Variants in USHBP1 observed in about 807,000 individuals in gnomAD.
The protein encoded by USHBP1 is USH1 protein network component harmonin binding protein 1.
Under a neutral mutation model 76.2 loss-of-function variants are expected in USHBP1, and 67 were observed. That is an observed-to-expected ratio of 0.88 (90% confidence interval 0.72 to 1.08). USHBP1 has a LOEUF of 1.08. Among genes scored for constraint, USHBP1 ranks in the 50% least tolerant of loss-of-function variants. The pLI is 0.00. For synonymous variants in USHBP1, 322 were observed against 362.2 expected, an observed-to-expected ratio of 0.89 and a Z score of 1.26; for missense variants, 931 against 915.0, an observed-to-expected ratio of 1.02 and a Z score of -0.23.
intron 3 of USHBP1, 123 bp downstream of exon 3, chr19:17,263,879 G>A: frequency 7.6e-7 from 1 of 1,316,116 alleles, no homozygotes; most frequent in Non-Finnish European, 1.0e-6. Context: ...AAAAAAGAAA[G>A]TCAGGCTGAA....
At chr19:17,259,228 G>A (rs563882174) in intron 7 of USHBP1, 61 bp downstream of exon 7, 3 of 1,540,442 alleles carry the variant, frequency 1.9e-6, no homozygotes, top group African/African-American at 1.4e-5. Flanking sequence ...GTGGATTGGG[G>A]CCATCCTCAG....
chr19:17,252,336 C>T (rs1253869299), intron 10 of USHBP1, among the ~76,000 whole-genome samples: 1 of 152,020 alleles, frequency 6.6e-6, no homozygotes, highest in African/African-American at 2.4e-5. Context: ...GTTGGGATTA[C>T]AGACACATGC....
chr19:17,263,898 G>T, intron 3 of USHBP1, 104 bp downstream of exon 3: 1 of 1,385,086 alleles, frequency 7.2e-7, no homozygotes, highest in Non-Finnish European at 9.5e-7. Context: ...AAGGCAATAG[G>T]GAGCTATGGT....
chr19:17,250,394 C>CG lies in USHBP1; in HGVS notation c.1942dup (p.Arg648ProfsTer96), dbSNP rs751695347. 5 of 1,613,212 alleles carry CG rather than the reference C, an allele frequency of 3.1e-6. No individual in the cohort carries two copies. In the Admixed American group the frequency reaches 8.3e-5, roughly 27 times the overall value. On this transcript the variant is annotated frameshift_variant, in exon 13 of 13. Coordinates refer to ENST00000252597, the MANE Select transcript of USHBP1 (RefSeq NM_031941.4). LOFTEE classifies it low-confidence loss of function (END_TRUNC). The stretch of plus-strand genomic sequence containing the variant: ...CTCTTCCTGCTTCCGGTGGGCTCCT[C>CG]GGAAGGCCAGGACCAGGGCGCTGGA...
intron 3 of USHBP1, 96 bp downstream of exon 3, chr19:17,263,906 G>A: frequency 7.1e-7 from 1 of 1,401,316 alleles, no homozygotes; most frequent in Non-Finnish European, 9.4e-7. Flanking sequence ...AGGGAGCTAT[G>A]GTAGGTGTGT....
chr19:17,260,027 G>A lies in USHBP1; in HGVS notation c.643-5C>T, dbSNP rs1466829943. 1 of 1,611,628 alleles carries A rather than the reference G, an allele frequency of 6.2e-7. No homozygotes were observed. ...GGAATCCTGCAGCTCTTGAACCTGG[G>A]AAAGATGAGGGGGACGTCAGGCCTA... On this transcript the variant is annotated splice_polypyrimidine_tract_variant and splice_region_variant and intron_variant, in intron 4 of 12. Transcript: ENST00000252597.
chr19:17,262,930 G>C lies in USHBP1; in HGVS notation c.264C>G (p.Pro88=). The C allele has an allele frequency of 6.4e-7, 1 of 1,551,274 alleles. No individual in the cohort carries two copies. The highest frequency in any genetic ancestry group is 1.4e-5 in the African/African-American group (1 of 73,188). The part of the protein sequence containing the change: ...GRELASAPEV[P]HKPAVEAHQA... Reference sequence around the variant, plus strand: ...GGTGGGCTTCCACTGCAGGTTTGTGGGGCACTTCGGGGGCTGAGGCCAGTT... The same window carrying C: ...GGTGGGCTTCCACTGCAGGTTTGTGCGGCACTTCGGGGGCTGAGGCCAGTT... The change falls in exon 4 of 13, where the codon CCC becomes CCG. Residue 88 remains proline (P), a synonymous_variant. Transcript: ENST00000252597.
rs775249254 is a variant in USHBP1 at position 17,256,489 on chromosome 19, C to T, written c.1452G>A (p.Gln484=). ...TTTGTACCCTTGCGGCCACCAGGTC[C>T]TGCTGAATTTGTGTCTTCTCCAGTC... ...LPRLEKTQIQ[Q]DLVAAREALA... is the part of the protein sequence containing the mutation. The change falls in exon 9 of 13, where the codon CAG becomes CAA. Residue 484 remains glutamine (Q), a synonymous_variant. Transcript: ENST00000252597. The T allele has an allele frequency of 1.9e-6, 3 of 1,613,750 alleles. No individual in the cohort carries two copies. Among genetic ancestry groups the T allele is most frequent in the Non-Finnish European group, 2.5e-6 (3 of 1,180,016 alleles).
At chr19:17,252,113 G>T in intron 10 of USHBP1, 96 bp from the exon 11 acceptor site, 2 of 1,141,856 alleles carry the variant, frequency 1.8e-6, no homozygotes, top group Non-Finnish European at 2.5e-6. Flanking sequence ...AGTGGCAGCT[G>T]CTGTGCTCTC....
intron 8 of USHBP1, 27 bp downstream of exon 8, chr19:17,258,185 C>A (rs1260384079): frequency 6.2e-7 from 1 of 1,612,032 alleles, no homozygotes; most frequent in South Asian, 1.1e-5. Context: ...CTCAACCAGG[C>A]CAGTTCCCAG....
At chr19:17,251,157 G>C (rs1200452246) in intron 12 of USHBP1, among the ~76,000 whole-genome samples, 1 of 144,506 alleles carries the variant, frequency 6.9e-6, no homozygotes, top group Non-Finnish European at 1.5e-5. Context: ...ACTGCGCCTG[G>C]CCCAGCCTGT....
chr19:17,250,669 G>A (rs1461938502), intron 12 of USHBP1, among the ~76,000 whole-genome samples: 1 of 151,982 alleles, frequency 6.6e-6, no homozygotes, highest in Non-Finnish European at 1.5e-5. Context: ...TCCTGCCTTA[G>A]CCTCCCAAGT....
intron 4 of USHBP1, 78 bp downstream of exon 4, chr19:17,262,470 AAATG>A (rs2073700218): frequency 6.8e-7 from 1 of 1,465,460 alleles, no homozygotes; most frequent in Non-Finnish European, 9.1e-7. Context: ...TTGAATGAAC[AAATG>A]AATGAATATT....
Position 17,256,514 on chromosome 19 carries a change from C to A in USHBP1, c.1427G>T (p.Arg476Leu). ...CTGCTGAATTTGTGTCTTCTCCAGT[C>A]GGGGAAGAGCTGGGCCAGCCTGGGT... ...LGTQAGPALP[R>L]LEKTQIQQDL... Residue 476 changes from arginine (R) to leucine (L), a missense_variant, in exon 9 of 13, where the codon CGA becomes CTA. Arg to Leu is a moderately radical substitution (Grantham distance 102, BLOSUM62 -2). Transcript: ENST00000252597. 1.2e-6 allele frequency: 2 copies of A among 1,613,886 alleles called. No homozygotes were observed. Among genetic ancestry groups the A allele is most frequent in the South Asian group, 1.1e-5 (1 of 91,058 alleles).
intron 8 of USHBP1, among the ~76,000 whole-genome samples, chr19:17,257,323 G>A (rs1599471529): frequency 1.4e-5 from 2 of 144,308 alleles, no homozygotes; most frequent in East Asian, 4.7e-4. Context: ...GAGCCACCGC[G>A]CCTGGCCGAG....
chr19:17,263,886 T>A (rs1012867104), intron 3 of USHBP1, 116 bp downstream of exon 3: 3 of 1,345,830 alleles, frequency 2.2e-6, no homozygotes, highest in Non-Finnish European at 2.9e-6. Context: ...AAAGTCAGGC[T>A]GAAGGCAATA....
chr19:17,252,063 T>A, intron 10 of USHBP1, 46 bp from the exon 11 acceptor site: 1 of 1,511,254 alleles, frequency 6.6e-7, no homozygotes. Context: ...CTAGGCCAAG[T>A]CCGTGCTTGG....
Position 17,256,399 on chromosome 19 carries a change from G to A in USHBP1, c.1470+72C>T, listed in dbSNP as rs2073619148. 2.5e-6 allele frequency: 4 copies of A among 1,582,324 alleles called. No individual in the cohort carries two copies. The Admixed American group carries it at 7.1e-5, about 28-fold the overall frequency. ...CCAGCAGAATTCTCCTTTGCTCCTTGGTCCCCCGACCTCAGTAAAGGATTT... is the reference window on the plus strand; with the variant it reads ...CCAGCAGAATTCTCCTTTGCTCCTTAGTCCCCCGACCTCAGTAAAGGATTT... On this transcript the variant is annotated intron_variant, in intron 9 of 12. Coordinates refer to ENST00000252597, the MANE Select transcript of USHBP1 (RefSeq NM_031941.4).
chr19:17,262,767 G>C lies in USHBP1; in HGVS notation c.427C>G (p.His143Asp), dbSNP rs2073706170. ...CCTTCGAACTCCATCGGCCCAGAAT[G>C]GCTGGGGGGCTGGTGGCGCCAGGCT... ...AAAWRHQPPS[H>D]SGPMEFEGTS... The change falls in exon 4 of 13, where the codon CAT becomes GAT. Residue 143 changes from histidine to aspartate, a missense_variant. Transcript: ENST00000252597. 2 of 1,614,120 alleles carry C rather than the reference G, an allele frequency of 1.2e-6. No homozygotes were observed. The highest frequency in any genetic ancestry group is 1.7e-6 in the Non-Finnish European group (2 of 1,180,026).
Sources: allele counts gnomAD v4.1 joint callset (sites outside exome capture counted in the v4.1 genomes callset), GRCh38; gene constraint gnomAD v4.1.1; transcripts MANE v1.5; gene names NCBI Gene and HGNC (gene_info 2026-07-23, HGNC 2026-07-21).